The following INPP5F variants were observed in gnomAD, a reference collection of about 807,000 sequenced individuals.
The protein encoded by INPP5F is phosphatidylinositide 4-phosphatase SAC2.
INPP5F carries 97 observed loss-of-function variants against 137.2 expected under a neutral mutation model. That is an observed-to-expected ratio of 0.71 (90% CI 0.60 to 0.84). The LOEUF is 0.84. INPP5F is among the 40% of genes least tolerant of loss of function. INPP5F has a pLI of 0.00. For missense variants in INPP5F, 1,271 were observed against 1,371.9 expected, an observed-to-expected ratio of 0.93 and a Z score of 1.16; for synonymous variants, 504 against 476.9, an observed-to-expected ratio of 1.06 and a Z score of -0.74.
At chr10:119,742,249 G>T (rs567350820) in intron 1 of INPP5F, among the ~76,000 whole-genome samples, 17 of 151,774 alleles carry the variant, frequency 1.1e-4, no homozygotes, top group Admixed American at 3.9e-4. Flanking sequence ...TCTGCCTCCC[G>T]GGTTCAAGCA....
intron 2 of INPP5F, among the ~76,000 whole-genome samples, chr10:119,775,030 G>C (rs1255089540): frequency 1.3e-5 from 2 of 151,838 alleles, no homozygotes; most frequent in African/African-American, 4.8e-5. Flanking sequence ...AAATTTGTAA[G>C]GAAATAGATA....
Position 119,804,271 on chromosome 10 carries a change from C to T in INPP5F, c.1215C>T (p.Tyr405=), listed in dbSNP as rs1393295023. 4.3e-6 allele frequency: 7 copies of T among 1,611,808 alleles called. No individual in the cohort carries two copies. Among genetic ancestry groups the T allele is most frequent in the African/African-American group, 2.7e-5 (2 of 74,864 alleles). ...TTTTCAACAACTCACACCTCACTTA[C>T]GTTTCGTTTGACTTCCATGAGCACT... ...VLLFNNSHLT[Y]VSFDFHEHCR... The change falls in exon 10 of 20, where the codon TAC becomes TAT. Residue 405 remains tyrosine, a synonymous_variant. Transcript: ENST00000650623.
chr10:119,732,030 C>A, intron 1 of INPP5F, among the ~76,000 whole-genome samples: 3 of 133,064 alleles, frequency 2.3e-5, no homozygotes, highest in African/African-American at 5.6e-5. Flanking sequence ...TAAAAGAAGA[C>A]AAGTGGTTTT....
At chr10:119,781,796 A>G in intron 3 of INPP5F, 25 bp downstream of exon 3, 1 of 1,558,676 alleles carries the variant, frequency 6.4e-7, no homozygotes, top group Non-Finnish European at 8.8e-7. Flanking sequence ...GGGAAATTAT[A>G]TGGAAACCTG....
chr10:119,728,904 A>C (rs893381888), intron 1 of INPP5F, among the ~76,000 whole-genome samples: 4 of 152,124 alleles, frequency 2.6e-5, no homozygotes, highest in Non-Finnish European at 4.4e-5. Context: ...TCATAATAAA[A>C]GTTTGCCTAC....
chr10:119,772,022 C>G (rs34759405), intron 2 of INPP5F, among the ~76,000 whole-genome samples: 1 of 148,512 alleles, frequency 6.7e-6, no homozygotes, highest in African/African-American at 2.5e-5. Flanking sequence ...CTCAGCCTCC[C>G]GAGTAGCTGG....
rs148632660 is a variant in INPP5F, at chr10:119,827,223, A to T, written c.2842A>T (p.Ile948Leu). 3.1e-6 allele frequency: 5 copies of T among 1,614,154 alleles called. No homozygotes were observed. Among genetic ancestry groups the T allele is most frequent in the Non-Finnish European group, 4.2e-6 (5 of 1,180,030 alleles). ...AAGTCCTTCTGCTGGCGACGTACAC[A>T]TATTGACTGGCTTTGCCAAGCCTAT... is the stretch of plus-strand genomic sequence containing the variant. Reference protein sequence around the residue: ...KKSPSAGDVHILTGFAKPMDI... With the variant: ...KKSPSAGDVHLLTGFAKPMDI... Residue 948 changes from isoleucine (I) to leucine (L), a missense_variant, in exon 20 of 20, where the codon ATA (isoleucine) becomes TTA (leucine). By Grantham distance (5) the Ile-to-Leu change is conservative. Around this residue, in one of 6 missense-constraint regions of INPP5F, gnomAD observed 490 missense variants for 443.7 expected, o/e 1.10. Coordinates refer to ENST00000650623, the MANE Select transcript of INPP5F (RefSeq NM_014937.4).
chr10:119,812,431 A>G (rs1163111086), intron 15 of INPP5F, among the ~76,000 whole-genome samples: 1 of 151,550 alleles, frequency 6.6e-6, no homozygotes, highest in African/African-American at 2.4e-5. Context: ...CAAAATATCA[A>G]TGAATAGTGG....
chr10:119,826,925 TG>T lies in INPP5F; in HGVS notation c.2548del (p.Asp850ThrfsTer26). Reference protein sequence around the residue: ...VMDKVQAESDGDMSSDNDSYH... With the variant: ...VMDKVQAESDXDMSSDNDSYH... ...TGGATAAGGTTCAGGCAGAGTCTGA[TG>T]GGGACATGTCTTCAGATAATGACTC... is the stretch of plus-strand genomic sequence containing the variant. On this transcript the variant is annotated frameshift_variant, in exon 20 of 20. Transcript: ENST00000650623. LOFTEE classifies it high-confidence loss of function. 6.2e-7 allele frequency: 1 copy of T among 1,614,038 alleles called. No homozygotes were observed. Among genetic ancestry groups the T allele is most frequent in the African/African-American group, 1.3e-5 (1 of 75,056 alleles).
At chr10:119,745,406 C>G (rs1338360588) in intron 1 of INPP5F, among the ~76,000 whole-genome samples, 1 of 151,020 alleles carries the variant, frequency 6.6e-6, no homozygotes, top group Non-Finnish European at 1.5e-5. Flanking sequence ...TCATTTCAAG[C>G]CAAGACTTTT....
intron 15 of INPP5F, among the ~76,000 whole-genome samples, chr10:119,817,135 T>C (rs1039794819): frequency 6.6e-6 from 1 of 152,248 alleles, no homozygotes; most frequent in African/African-American, 2.4e-5. Context: ...AGCATAATGT[T>C]TTCCAGGTTA....
At chr10:119,805,296 C>T (rs767403305) in intron 10 of INPP5F, 88 bp from the exon 11 acceptor site, 25 of 938,850 alleles carry the variant, frequency 2.7e-5, no homozygotes, top group Middle Eastern at 6.4e-4. Context: ...TTTAATTTTT[C>T]GAAGCTACAT....
At chr10:119,765,870 T>C (rs1233261068) in intron 2 of INPP5F, among the ~76,000 whole-genome samples, 1 of 25,368 alleles carries the variant, frequency 3.9e-5, no homozygotes, top group Non-Finnish European at 1.5e-4. Context: ...ATATACTATA[T>C]ATATATATAT....
chr10:119,800,555 C>CAA (rs200774789), intron 9 of INPP5F, among the ~76,000 whole-genome samples: 3,739 of 103,336 alleles, frequency 0.036, 73 homozygotes, highest in Non-Finnish European at 0.053. Flanking sequence ...GATTCCATCT[C>CAA]AAAAAAAAAA....
chr10:119,818,343 G>C (rs1000423477), intron 15 of INPP5F, among the ~76,000 whole-genome samples: 1 of 152,254 alleles, frequency 6.6e-6, no homozygotes, highest in Non-Finnish European at 1.5e-5. Flanking sequence ...ACTTGCTTCC[G>C]TGCGCTCAGG....
At chr10:119,749,624 C>T in intron 1 of INPP5F, among the ~76,000 whole-genome samples, 1 of 152,310 alleles carries the variant, frequency 6.6e-6, no homozygotes, top group East Asian at 1.9e-4. Context: ...TGGTAGCAGC[C>T]TTGATCCGAT....
Position 119,726,343 on chromosome 10 carries a change from C to T in INPP5F, c.81C>T (p.Gly27=), listed in dbSNP as rs967076610. 1.4e-6 allele frequency: 2 copies of T among 1,443,592 alleles called. No homozygotes were observed. Among genetic ancestry groups the T allele is most frequent in the South Asian group, 1.4e-5 (1 of 73,078 alleles). The allele number at this position is 1,443,592 out of a possible 1,614,324, so 89.4% of individuals were successfully genotyped here. Residue 27 remains glycine (G), a synonymous_variant, in exon 1 of 20, where the codon GGC becomes GGT. Transcript: ENST00000650623. ...RALWCSRRDG[G]LQLRPATDLL... ...TGTGGTGCAGCCGCCGCGACGGCGG[C>T]CTCCAGCTCCGACCCGGTGAGGCTG...
At chr10:119,780,286 T>C (rs1249089179) in intron 2 of INPP5F, among the ~76,000 whole-genome samples, 1 of 151,744 alleles carries the variant, frequency 6.6e-6, no homozygotes, top group African/African-American at 2.4e-5. Flanking sequence ...TAATAATATA[T>C]TTTATTGGCT....
At chr10:119,733,982 G>A (rs1482882678) in intron 1 of INPP5F, among the ~76,000 whole-genome samples, 1 of 152,150 alleles carries the variant, frequency 6.6e-6, no homozygotes, top group Non-Finnish European at 1.5e-5. Flanking sequence ...AGCAGCAAAG[G>A]GGTTGTAGGG....
Sources: allele counts gnomAD v4.1 joint callset (sites outside exome capture counted in the v4.1 genomes callset), GRCh38; gene constraint gnomAD v4.1.1; regional missense constraint gnomAD v4.1.1; transcripts MANE v1.5; gene names NCBI Gene and HGNC (gene_info 2026-07-23, HGNC 2026-07-21).